The following DIDO1 variants were observed in gnomAD, a reference collection of about 807,000 sequenced individuals.
DIDO1 encodes death inducer-obliterator 1.
Under a neutral mutation model 99.4 loss-of-function variants are expected in DIDO1, and 16 were observed. The ratio of observed to expected loss-of-function variants is 0.16; its 90% CI spans 0.11 to 0.24. The LOEUF (loss-of-function observed/expected upper bound fraction) is 0.24. DIDO1 is among the 10% of genes least tolerant of loss of function. The pLI, the probability that DIDO1 is intolerant of heterozygous loss-of-function variation, is 1.00. For synonymous variants in DIDO1, 1,366 were observed against 1,239.1 expected (o/e 1.10, Z -2.15); for missense variants, 2,996 against 3,014.0 (o/e 0.99, Z 0.14).
intron 8 of DIDO1, among the ~76,000 whole-genome samples, chr20:62,895,930 C>T (rs1351348994): frequency 1.3e-5 from 2 of 152,172 alleles, no homozygotes; most frequent in Non-Finnish European, 2.9e-5. Context: ...ATTTTGGAGC[C>T]CAGTGAAGCG....
chr20:62,936,386 G>T (rs1297830502), intron 1 of DIDO1, among the ~76,000 whole-genome samples: 3 of 151,908 alleles, frequency 2.0e-5, no homozygotes, highest in Non-Finnish European at 4.4e-5. Context: ...AACCCCACCC[G>T]TACTAAAAAT....
intron 6 of DIDO1, among the ~76,000 whole-genome samples, chr20:62,903,027 G>A (rs1021709858): frequency 2.0e-5 from 3 of 152,138 alleles, no homozygotes; most frequent in Non-Finnish European, 4.4e-5. Flanking sequence ...ACAATAATGG[G>A]AGGTGAACAG....
At chr20:62,908,166 G>A (rs1483399978) in intron 4 of DIDO1, among the ~76,000 whole-genome samples, 4 of 151,876 alleles carry the variant, frequency 2.6e-5, no homozygotes, top group African/African-American at 9.7e-5. Context: ...TTTTTGTAGA[G>A]ATGGGGGTCT....
intron 6 of DIDO1, chr20:62,905,013 A>C: frequency 2.0e-6 from 2 of 988,968 alleles, no homozygotes; most frequent in Non-Finnish European, 2.4e-6. Context: ...GACTGAATTG[A>C]AAATAGTTTT....
chr20:62,898,166 T>C (rs1721348844), intron 6 of DIDO1, among the ~76,000 whole-genome samples: 1 of 152,238 alleles, frequency 6.6e-6, no homozygotes, highest in South Asian at 2.1e-4. Flanking sequence ...GTCGTCTTAC[T>C]GACCGCTTTC....
In DIDO1 at chr20:62,879,590, G is replaced by T; in HGVS notation, c.6366C>A (p.Asn2122Lys). Residue 2122 changes from asparagine (N) to lysine (K), a missense_variant, in exon 16 of 16, where the codon AAC becomes AAA. Asn to Lys is a moderately conservative substitution (Grantham distance 94). This residue lies in a region of DIDO1 where 1,562 missense variants were observed against 1,412.6 expected (regional missense o/e 1.11). Coordinates refer to ENST00000395343, the MANE Select transcript of DIDO1 (RefSeq NM_001193369.2). This position sits in a 1 kb window ranked among gnomAD's most constrained non-coding sequence, Gnocchi z 6.3. Reference sequence around the variant, plus strand: ...GGTCCCAGTCCCGCTCTCGGCTCCAGTTTCGGCCGCGCTCGCGCTCTCTCC... The same window carrying T: ...GGTCCCAGTCCCGCTCTCGGCTCCATTTTCGGCCGCGCTCGCGCTCTCTCC... ...DRRRERERGRNWSRERDWDRP... is the reference protein window; with the variant it reads ...DRRRERERGRKWSRERDWDRP... 1 of 1,601,980 alleles carries T rather than the reference G, an allele frequency of 6.2e-7. No individual in the cohort carries two copies.
In DIDO1 at chr20:62,889,134, C is replaced by T. The variant is rs866294043; in HGVS notation, c.3541+1826G>A. On this transcript the variant is annotated intron_variant, in intron 15 of 15. Coordinates refer to ENST00000395343, the MANE Select transcript of DIDO1 (RefSeq NM_001193369.2). Reference sequence around the variant, plus strand: ...TGACAGTGTGGGTGGTTGGTGCCATCGCACTCAGCAGACAAGGTGAGTGAC... The same window carrying T: ...TGACAGTGTGGGTGGTTGGTGCCATTGCACTCAGCAGACAAGGTGAGTGAC... The T allele has an allele frequency of 7.6e-5, 75 of 985,498 alleles. 1 individual carries two copies. In the South Asian group the frequency reaches 1.7e-3, roughly 22 times the overall value. The allele number at this position is 985,498 out of a possible 1,614,324, so 61.0% of individuals were successfully genotyped here.
rs1181126907 is a variant in DIDO1 at position 62,911,260 on chromosome 20, G to A, written c.353C>T (p.Ala118Val). The stretch of plus-strand genomic sequence containing the variant: ...CTGGGGGCCGCTTCTGGTCTCAGAA[G>A]CGCTTTCCACGCTGCCCTCGGAGGC... ...ETASEGSVES[A>V]SETRSGPQSA... Residue 118 changes from alanine to valine, a missense_variant, in exon 3 of 16, where the codon GCT becomes GTT. By Grantham distance (64) the Ala-to-Val change is moderately conservative. This residue lies in a region of DIDO1 where 388 missense variants were observed against 376.6 expected (regional missense o/e 1.03). Coordinates refer to ENST00000395343, the MANE Select transcript of DIDO1 (RefSeq NM_001193369.2). The surrounding 1 kb of genome is among the most constrained non-coding windows in gnomAD (Gnocchi z 7.0). The A allele has an allele frequency of 4.3e-6, 7 of 1,613,072 alleles. No homozygotes were observed. The highest frequency in any genetic ancestry group is 5.9e-6 in the Non-Finnish European group (7 of 1,180,032).
intron 15 of DIDO1, chr20:62,889,515 C>T: frequency 1.0e-6 from 1 of 985,450 alleles, no homozygotes; most frequent in South Asian, 4.7e-5. Flanking sequence ...CTCTTTCCAC[C>T]CCGGTAGGGA....
upstream of DIDO1, among the ~76,000 whole-genome samples, chr20:62,927,525 G>GC (rs2065276134): frequency 6.6e-6 from 1 of 152,162 alleles, no homozygotes; most frequent in African/African-American, 2.4e-5. Flanking sequence ...CAGGGACCTG[G>GC]GGGGGGTGGA....
At chr20:62,887,284 T>C (rs1568833203) in intron 15 of DIDO1, 4 of 985,486 alleles carry the variant, frequency 4.1e-6, no homozygotes, top group Non-Finnish European at 4.8e-6. Flanking sequence ...TATTTGACTC[T>C]GATTACAATT....
At chr20:62,926,045 C>G (rs1453728995) in intron 1 of DIDO1, among the ~76,000 whole-genome samples, 1 of 152,208 alleles carries the variant, frequency 6.6e-6, no homozygotes, top group Non-Finnish European at 1.5e-5. Flanking sequence ...CGCTTACAAG[C>G]CAGCTACGCA....
At chr20:62,937,022 A>G (rs1275004983) in intron 1 of DIDO1, among the ~76,000 whole-genome samples, 1 of 152,244 alleles carries the variant, frequency 6.6e-6, no homozygotes, top group Non-Finnish European at 1.5e-5. Flanking sequence ...AAAATGTCCA[A>G]AATCAGTCTC....
At chr20:62,937,312 C>A (rs983350611) in intron 1 of DIDO1, among the ~76,000 whole-genome samples, 1 of 152,272 alleles carries the variant, frequency 6.6e-6, no homozygotes, top group South Asian at 2.1e-4. Context: ...AGCGGACAGG[C>A]AATAAGCAAG....
rs776390825 is a variant in DIDO1, at chr20:62,895,059, G to A, written c.2321C>T (p.Pro774Leu). 2 of 1,606,924 alleles carry A rather than the reference G, an allele frequency of 1.2e-6. No individual in the cohort carries two copies. The highest frequency in any genetic ancestry group is 1.3e-5 in the African/African-American group (1 of 74,814). Reference sequence around the variant, plus strand: ...CCCCTCAGCACTCACAGATCTCGCTGGCCTCTCTTTCCACGTGGAAAGCTC... The same window carrying A: ...CCCCTCAGCACTCACAGATCTCGCTAGCCTCTCTTTCCACGTGGAAAGCTC... ...SKELSTWKER[P>L]ARSVMESRTK... Residue 774 changes from proline to leucine, a missense_variant, in exon 9 of 16, where the codon CCA becomes CTA. Physicochemically the swap from Pro to Leu is moderately conservative, Grantham distance 98. Coordinates refer to ENST00000395343, the MANE Select transcript of DIDO1 (RefSeq NM_001193369.2).
chr20:62,915,466 G>C (rs946947116), intron 1 of DIDO1, among the ~76,000 whole-genome samples: 20 of 152,152 alleles, frequency 1.3e-4, no homozygotes, highest in Non-Finnish European at 4.4e-5. Flanking sequence ...TTTATATTTT[G>C]CAACACTGAG....
At chr20:62,919,378 A>G (rs879449180) in intron 1 of DIDO1, among the ~76,000 whole-genome samples, 1 of 152,060 alleles carries the variant, frequency 6.6e-6, no homozygotes, top group African/African-American at 2.4e-5. Flanking sequence ...CATCTCTACT[A>G]AAAACACAAA....
chr20:62,890,846 T>C, intron 15 of DIDO1, 114 bp downstream of exon 15: 1 of 1,592,116 alleles, frequency 6.3e-7, no homozygotes, highest in Non-Finnish European at 8.5e-7. Context: ...TCTGTGCTCC[T>C]AACTCCTGCT....
In DIDO1 at chr20:62,880,422, C is replaced by A; in HGVS notation, c.5534G>T (p.Arg1845Leu). ...CCTCTTCTCCCCATGGGGATCCTTG[C>A]GTTCTTCAAATTGGGATGGTGCCAC... ...RGVAPSQFEE[R>L]KDPHGEKREF... The change falls in exon 16 of 16, where the codon CGC (arginine) becomes CTC (leucine). Residue 1845 changes from arginine (R) to leucine (L), a missense_variant. Physicochemically the swap from Arg to Leu is moderately radical, Grantham distance 102. Transcript: ENST00000395343. The A allele has an allele frequency of 1.2e-6, 2 of 1,612,850 alleles. No homozygotes were observed. The highest frequency in any genetic ancestry group is 1.1e-5 in the South Asian group (1 of 91,082).
Sources: allele counts gnomAD v4.1 joint callset (sites outside exome capture counted in the v4.1 genomes callset), GRCh38; gene constraint gnomAD v4.1.1; regional missense constraint gnomAD v4.1.1; non-coding constraint Gnocchi (gnomAD v3.1); transcripts MANE v1.5; gene names NCBI Gene and HGNC (gene_info 2026-07-23, HGNC 2026-07-21).